Variants in STAB2 observed in about 807,000 individuals in gnomAD.
The protein encoded by STAB2 is stabilin-2.
In STAB2, 288 loss-of-function variants were observed where a neutral mutation model predicts 338.1. That is an observed-to-expected ratio of 0.85 (90% confidence interval 0.77 to 0.94). The LOEUF is 0.94. STAB2 is among the 40% of genes least tolerant of loss of function. The pLI, the probability that STAB2 is intolerant of heterozygous loss-of-function variation, is 0.00. For missense variants in STAB2, 3,141 were observed against 3,210.1 expected (o/e 0.98, Z 0.52); for synonymous variants, 1,202 against 1,193.3 (o/e 1.01, Z -0.15).
chr12:103,654,121 C>T (rs1175557867), intron 12 of STAB2, among the ~76,000 whole-genome samples: 1 of 152,204 alleles, frequency 6.6e-6, no homozygotes, highest in Non-Finnish European at 1.5e-5. Context: ...CCAATATTTA[C>T]TAAGTCTGTC....
In STAB2 at chr12:103,715,837, C is replaced by A; in HGVS notation, c.4560C>A (p.Asn1520Lys). Reference protein sequence around the residue: ...VCLEINPCLENHGGCDKNAEC... With the variant: ...VCLEINPCLEKHGGCDKNAEC... ...AAGAAATCAACCCGTGTTTGGAGAA[C>A]CATGGTGGCTGTGACAAGAATGCGG... Residue 1520 changes from asparagine to lysine, a missense_variant, in exon 43 of 69, where the codon AAC becomes AAA. Asn to Lys is a moderately conservative substitution (Grantham distance 94). Transcript: ENST00000388887. 5.6e-6 allele frequency: 9 copies of A among 1,614,058 alleles called. No homozygotes were observed. Among genetic ancestry groups the A allele is most frequent in the Non-Finnish European group, 7.6e-6 (9 of 1,179,984 alleles).
intron 29 of STAB2, 69 bp downstream of exon 29, chr12:103,690,051 A>C (rs1349464567): frequency 6.4e-7 from 1 of 1,553,452 alleles, no homozygotes. Flanking sequence ...TTTGAAGTTC[A>C]ATGTAGGAAA....
intron 40 of STAB2, 77 bp downstream of exon 40, chr12:103,711,593 C>G: frequency 3.3e-6 from 5 of 1,512,174 alleles, no homozygotes; most frequent in Middle Eastern, 1.7e-4. Context: ...AGTCTCTATC[C>G]TCAGGGGATT....
intron 12 of STAB2, among the ~76,000 whole-genome samples, chr12:103,654,335 G>T (rs1276747322): frequency 6.6e-6 from 1 of 152,198 alleles, no homozygotes; most frequent in Admixed American, 6.5e-5. Flanking sequence ...ATATATAGTT[G>T]TCAGTGCTTT....
rs868186827 is a variant in STAB2 at position 103,643,830 on chromosome 12, G to C, written c.1040+3574G>C. Among the ~76,000 whole-genome samples, 4 of 150,778 alleles carry C rather than the reference G, an allele frequency of 2.7e-5. No homozygotes were observed. In the Middle Eastern group the frequency reaches 0.014, roughly 513 times the overall value. On this transcript the variant is annotated intron_variant, in intron 9 of 68. Coordinates refer to ENST00000388887, the MANE Select transcript of STAB2 (RefSeq NM_017564.10). ...TAGCCGCCCCGACCGGGAGGGAGGT[G>C]GGGGGGTCAGCCCCCCACCCGGCCA...
intron 9 of STAB2, among the ~76,000 whole-genome samples, chr12:103,641,821 C>A (rs186770374): frequency 5.9e-5 from 9 of 152,266 alleles, no homozygotes; most frequent in Admixed American, 3.9e-4. Flanking sequence ...CCTTCCCACA[C>A]CTCAAATTGA....
At chr12:103,608,770 G>A (rs1957074582) in intron 3 of STAB2, among the ~76,000 whole-genome samples, 1 of 152,194 alleles carries the variant, frequency 6.6e-6, no homozygotes, top group African/African-American at 2.4e-5. Context: ...CCATGCCTAT[G>A]TCCTGAATGG....
chr12:103,756,407 G>A (rs1224386696), intron 63 of STAB2, among the ~76,000 whole-genome samples: 1 of 152,236 alleles, frequency 6.6e-6, no homozygotes, highest in African/African-American at 2.4e-5. Context: ...TAAGGGAAAG[G>A]ATTTTCTTTG....
intron 5 of STAB2, among the ~76,000 whole-genome samples, chr12:103,626,337 T>C (rs7133148): frequency 0.25 from 38,555 of 152,128 alleles, 6,510 homozygotes; most frequent in Non-Finnish European, 0.37. Context: ...ACATCATAGT[T>C]CTAGGACGTA....
chr12:103,680,137 C>T (rs949282609), intron 25 of STAB2, among the ~76,000 whole-genome samples: 7 of 151,924 alleles, frequency 4.6e-5, no homozygotes, highest in African/African-American at 9.7e-5. Flanking sequence ...GGGAGAGGAA[C>T]GAGGAGTTAT....
intron 8 of STAB2, among the ~76,000 whole-genome samples, chr12:103,638,603 T>C (rs1024675869): frequency 6.6e-6 from 1 of 152,202 alleles, no homozygotes; most frequent in African/African-American, 2.4e-5. Flanking sequence ...GAACCAAAAA[T>C]ACCCTGTTCC....
chr12:103,648,861 C>T (rs1328967038), intron 10 of STAB2, 38 bp downstream of exon 10: 1 of 1,603,084 alleles, frequency 6.2e-7, no homozygotes, highest in Admixed American at 1.7e-5. Context: ...CACAAAAGTC[C>T]TCTTTCAGGA....
intron 9 of STAB2, among the ~76,000 whole-genome samples, chr12:103,642,847 G>A: frequency 6.6e-6 from 1 of 152,200 alleles, no homozygotes; most frequent in Non-Finnish European, 1.5e-5. Context: ...ACCATTCCCA[G>A]GGTATGGAGG....
At chr12:103,763,233 G>A (rs554207424) in intron 67 of STAB2, 4 of 434,422 alleles carry the variant, frequency 9.2e-6, no homozygotes, top group Non-Finnish European at 1.7e-5. Flanking sequence ...CTAAGAGCAT[G>A]TGAACACATC....
intron 27 of STAB2, among the ~76,000 whole-genome samples, chr12:103,687,545 C>T (rs1444520700): frequency 2.0e-5 from 3 of 151,974 alleles, no homozygotes; most frequent in South Asian, 2.1e-4. Flanking sequence ...ATAGAGAGAG[C>T]CATATGGGTA....
At chr12:103,669,690 C>A in intron 21 of STAB2, 63 bp downstream of exon 21, 1 of 1,462,384 alleles carries the variant, frequency 6.8e-7, no homozygotes, top group Non-Finnish European at 9.6e-7. Context: ...AACTTCTAAA[C>A]CAAAATGTGA....
At chr12:103,745,034 G>A (rs778928033) in intron 56 of STAB2, 139 bp from the exon 57 acceptor site, 21 of 680,860 alleles carry the variant, frequency 3.1e-5, no homozygotes, top group Non-Finnish European at 4.8e-5. Context: ...TTTTTTAGAT[G>A]TTTCAATGAA....
At chr12:103,732,823 T>G (rs1881738852) in intron 50 of STAB2, among the ~76,000 whole-genome samples, 183 bp from the exon 51 acceptor site, 3 of 152,130 alleles carry the variant, frequency 2.0e-5, no homozygotes, top group African/African-American at 7.2e-5. Flanking sequence ...GAAAAAAAAT[T>G]GTAGGTCAGA....
intron 6 of STAB2, 149 bp downstream of exon 6, chr12:103,631,842 T>G: frequency 2.9e-6 from 2 of 678,050 alleles, no homozygotes; most frequent in Non-Finnish European, 2.5e-6. Flanking sequence ...AAAGAGAATA[T>G]AGAAGAGAAA....
Sources: allele counts gnomAD v4.1 joint callset (sites outside exome capture counted in the v4.1 genomes callset), GRCh38; gene constraint gnomAD v4.1.1; transcripts MANE v1.5; gene names NCBI Gene and HGNC (gene_info 2026-07-23, HGNC 2026-07-21).